Variants in FSTL4 observed in about 807,000 individuals in gnomAD.
The protein encoded by FSTL4 is follistatin like 4, also known as follistatin-related protein 4.
In FSTL4, 28 loss-of-function variants were observed where a neutral mutation model predicts 78.2. The ratio of observed to expected loss-of-function variants is 0.36; its 90% CI spans 0.27 to 0.49. The LOEUF (loss-of-function observed/expected upper bound fraction) is 0.49, where lower values mean the gene tolerates loss of function less well. Among genes scored for constraint, FSTL4 ranks in the 20% least tolerant of loss-of-function variants. The probability of loss-of-function intolerance (pLI) is 0.98; values close to 1 mark genes in which losing one functional copy is unlikely to be tolerated. For missense variants in FSTL4, 922 were observed against 1,084.9 expected, an observed-to-expected ratio of 0.85 and a Z score of 2.11; for synonymous variants, 422 against 440.5, an observed-to-expected ratio of 0.96 and a Z score of 0.53.
At chr5:133,790,856 C>A in the FSTL4 span, among the ~76,000 whole-genome samples, 1 of 152,244 alleles carries the variant, frequency 6.6e-6, no homozygotes, top group South Asian at 2.1e-4. Context: ...TCGCCTCTCA[C>A]CTGGAGGCAG....
At chr5:133,269,336 A>G (rs187558673) in intron 6 of FSTL4, among the ~76,000 whole-genome samples, 2 of 152,274 alleles carry the variant, frequency 1.3e-5, no homozygotes, top group African/African-American at 4.8e-5. Context: ...CATGCAGGAG[A>G]GAAAGCCTGT....
At position 133,312,690 on chromosome 5, in the gene FSTL4, T is replaced by C. The variant is rs776189184; in HGVS notation, c.691A>G (p.Ser231Gly). ...LLRFDDYNSD[S>G]SLTLREFYMA... ...TAGAACTCGCGGAGGGTCAGGGAGC[T>C]GTCACTGTTGTAATCGTCAAATCGG... is the stretch of plus-strand genomic sequence containing the variant. Residue 231 changes from serine (S) to glycine (G), a missense_variant, in exon 6 of 16, where the codon AGC (serine) becomes GGC (glycine). Transcript: ENST00000265342. 27 of 1,613,908 alleles carry C rather than the reference T, an allele frequency of 1.7e-5. No individual in the cohort carries two copies. The highest frequency in any genetic ancestry group is 8.5e-6 in the Non-Finnish European group (10 of 1,179,916).
chr5:133,502,689 G>A (rs1015690034), intron 3 of FSTL4, among the ~76,000 whole-genome samples: 1 of 152,144 alleles, frequency 6.6e-6, no homozygotes, highest in South Asian at 2.1e-4. Flanking sequence ...TGTGAGACGT[G>A]CCTGCTTTTC....
chr5:133,661,835 T>A, the FSTL4 span, among the ~76,000 whole-genome samples: 2 of 152,232 alleles, frequency 1.3e-5, no homozygotes, highest in Non-Finnish European at 2.9e-5. Context: ...TGTGTTGTCC[T>A]TAATTGGTTT....
chr5:133,246,713 T>C (rs1482814447), intron 7 of FSTL4: 1 of 152,220 alleles, frequency 6.6e-6, no homozygotes, highest in Non-Finnish European at 1.5e-5. Context: ...CACCCAGCTG[T>C]TGCTGGCTGC....
chr5:133,254,675 A>G (rs2126828127), intron 6 of FSTL4, among the ~76,000 whole-genome samples: 1 of 152,348 alleles, frequency 6.6e-6, no homozygotes, highest in South Asian at 2.1e-4. Context: ...GACGGTAAGA[A>G]TCGTCAGAAC....
chr5:133,236,134 C>T lies in FSTL4; in HGVS notation c.895-2597G>A, dbSNP rs1353725573. Among the ~76,000 whole-genome samples, 1 of 152,172 alleles carries T rather than the reference C, an allele frequency of 6.6e-6. No homozygotes were observed. Among genetic ancestry groups the T allele is most frequent in the African/African-American group, 2.4e-5 (1 of 41,452 alleles). ...TGCTGGCATTTTCCCTCCAAACTGC[C>T]TTCCTGAGCCTTCACATCCACAGCC... On this transcript the variant is annotated intron_variant, in intron 7 of 15. Transcript: ENST00000265342. The surrounding 1 kb of genome is among the most constrained non-coding windows in gnomAD (Gnocchi z 5.0).
intron 3 of FSTL4, among the ~76,000 whole-genome samples, chr5:133,475,835 G>A (rs1452738679): frequency 6.6e-6 from 1 of 152,196 alleles, no homozygotes; most frequent in Non-Finnish European, 1.5e-5. Context: ...GAGTGAATCT[G>A]CATTCGTGAG....
At chr5:133,707,062 G>C in the FSTL4 span, among the ~76,000 whole-genome samples, 1 of 152,148 alleles carries the variant, frequency 6.6e-6, no homozygotes, top group Non-Finnish European at 1.5e-5. Context: ...CTAAGGCTTG[G>C]GTGAGTTTCC....
At chr5:133,246,893 T>C (rs896221740) in intron 7 of FSTL4, 51 of 152,242 alleles carry the variant, frequency 3.3e-4, no homozygotes, top group African/African-American at 1.2e-3. Flanking sequence ...ATTTAGTCCT[T>C]ACTGGAACCC....
chr5:133,272,352 A>T (rs1752785898), intron 6 of FSTL4, among the ~76,000 whole-genome samples: 1 of 152,226 alleles, frequency 6.6e-6, no homozygotes, highest in Non-Finnish European at 1.5e-5. Flanking sequence ...TCTGTGGAAA[A>T]AGCAGTTTGC....
rs188961716 is a variant in FSTL4 at position 133,419,981 on chromosome 5, G to A, written c.161-18995C>T. ...AATATTTATGGAAGTTTTATTCATA[G>A]TAGTTCCCAAATGGAAACGAACCTA... On this transcript the variant is annotated intron_variant, in intron 3 of 15. Coordinates refer to ENST00000265342, the MANE Select transcript of FSTL4 (RefSeq NM_015082.2). Among the ~76,000 whole-genome samples, 12 of 152,250 alleles carry A rather than the reference G, an allele frequency of 7.9e-5. No homozygotes were observed. The East Asian group carries it at 1.2e-3, about 15-fold the overall frequency.
the FSTL4 span, among the ~76,000 whole-genome samples, chr5:133,824,448 A>G: frequency 1.3e-5 from 2 of 152,356 alleles, no homozygotes; most frequent in African/African-American, 4.8e-5. Flanking sequence ...CAGCCATCTC[A>G]GAAGCAGACA....
chr5:133,754,871 T>G, the FSTL4 span, among the ~76,000 whole-genome samples: 1 of 152,066 alleles, frequency 6.6e-6, no homozygotes, highest in Non-Finnish European at 1.5e-5. Flanking sequence ...CAGCCATCCC[T>G]CCCACCTTCC....
At chr5:133,577,004 G>A (rs751244524) in intron 2 of FSTL4, among the ~76,000 whole-genome samples, 1 of 152,110 alleles carries the variant, frequency 6.6e-6, no homozygotes, top group African/African-American at 2.4e-5. Context: ...ATAAAGTGGC[G>A]CCTTATGTAG....
the FSTL4 span, among the ~76,000 whole-genome samples, chr5:133,673,877 C>T: frequency 6.6e-6 from 1 of 152,216 alleles, no homozygotes; most frequent in Non-Finnish European, 1.5e-5. Context: ...GACTCAAACT[C>T]TCCAAGTTCC....
At chr5:133,796,548 A>G in the FSTL4 span, among the ~76,000 whole-genome samples, 9 of 152,058 alleles carry the variant, frequency 5.9e-5, no homozygotes, top group African/African-American at 2.4e-5. Flanking sequence ...TGGGAAGATG[A>G]TCTTCCCCTG....
chr5:133,642,066 G>T, the FSTL4 span, among the ~76,000 whole-genome samples: 1 of 152,012 alleles, frequency 6.6e-6, no homozygotes, highest in African/African-American at 2.4e-5. Context: ...ACACTTCCAG[G>T]CTTCCTTTGC....
chr5:133,401,398 C>T (rs1388799987), intron 3 of FSTL4, among the ~76,000 whole-genome samples: 1 of 152,230 alleles, frequency 6.6e-6, no homozygotes, highest in East Asian at 1.9e-4. Flanking sequence ...GCCACTACTG[C>T]TCCCAGGCTC....
Sources: allele counts gnomAD v4.1 joint callset (sites outside exome capture counted in the v4.1 genomes callset), GRCh38; gene constraint gnomAD v4.1.1; non-coding constraint Gnocchi (gnomAD v3.1); transcripts MANE v1.5; gene names NCBI Gene and HGNC (gene_info 2026-07-23, HGNC 2026-07-21).